The following SLC12A7 variants were observed in gnomAD, a reference collection of about 807,000 sequenced individuals.
The protein encoded by SLC12A7 is K-Cl cotransporter 4.
SLC12A7 carries 100 observed loss-of-function variants against 120.6 expected under a neutral mutation model. The ratio of observed to expected loss-of-function variants is 0.83; its 90% confidence interval spans 0.71 to 0.98. SLC12A7 has a LOEUF of 0.98. Ranked by LOEUF, SLC12A7 falls within the 50% of genes least tolerant of loss-of-function variation. The pLI is 0.00. For synonymous variants in SLC12A7, 760 were observed against 678.0 expected (o/e 1.12, Z -1.88); for missense variants, 1,373 against 1,548.1 (o/e 0.89, Z 1.90).
Position 1,085,472 on chromosome 5 carries a change from G to T in SLC12A7, c.677C>A (p.Thr226Lys). The T allele has an allele frequency of 6.2e-7, 1 of 1,604,126 alleles. No individual in the cohort carries two copies. The highest frequency in any genetic ancestry group is 8.5e-7 in the Non-Finnish European group (1 of 1,175,758). ...YILGTIEIFL[T>K]YISPGAAIFQ... ...GATGGCCGCACCCGGGGAGATGTAC[G>T]TCTGTGGGAACAAGGCCGGTCGGGA... The change falls in exon 7 of 24, where the codon ACG (threonine) becomes AAG (lysine). Residue 226 changes from threonine to lysine, a missense_variant and splice_region_variant. By Grantham distance (78) the Thr-to-Lys change is moderately conservative. Transcript: ENST00000264930.
chr5:1,119,015 A>G, the SLC12A7 span, among the ~76,000 whole-genome samples: 1 of 151,962 alleles, frequency 6.6e-6, no homozygotes, highest in Admixed American at 6.6e-5. Flanking sequence ...GGCACAGACG[A>G]CTGCTCCCGA....
intron 17 of SLC12A7, among the ~76,000 whole-genome samples, chr5:1,069,892 G>A (rs1201150716): frequency 6.6e-6 from 1 of 152,112 alleles, no homozygotes; most frequent in Non-Finnish European, 1.5e-5. Context: ...AGGGCTCAGA[G>A]CTGGCACCAG....
intron 1 of SLC12A7, among the ~76,000 whole-genome samples, chr5:1,108,041 CGT>C (rs1491393134): frequency 2.0e-5 from 3 of 151,962 alleles, no homozygotes; most frequent in Non-Finnish European, 4.4e-5. Context: ...CACACACACA[CGT>C]GAGCATGCCC....
rs572214362 is a variant in SLC12A7 at position 1,050,413 on chromosome 5, T to TAAC, written c.*1944_*1946dup. On this transcript the variant is annotated 3_prime_UTR_variant, in exon 24 of 24. Coordinates refer to ENST00000264930, the MANE Select transcript of SLC12A7 (RefSeq NM_006598.3). Reference sequence around the variant, plus strand: ...ATTTCATAGGATTTTATTTTTCTACTAACACAGACAGACAGGGAAACCTAC... The same window carrying TAAC: ...ATTTCATAGGATTTTATTTTTCTACTAACAACACAGACAGACAGGGAAACCTAC... 1.3e-5 allele frequency: 2 copies of TAAC among 156,304 alleles called. No homozygotes were observed. Among genetic ancestry groups the TAAC allele is most frequent in the African/African-American group, 4.8e-5 (2 of 41,602 alleles). 9.7% of individuals were successfully genotyped at this position (156,304 alleles called of 1,614,324 possible).
the SLC12A7 span, among the ~76,000 whole-genome samples, chr5:1,150,284 C>G: frequency 6.9e-6 from 1 of 145,518 alleles, no homozygotes; most frequent in Non-Finnish European, 1.5e-5. Flanking sequence ...TCCTCTGCCC[C>G]TCCCCCGACC....
intron 7 of SLC12A7, among the ~76,000 whole-genome samples, chr5:1,084,924 C>T (rs1252496103): frequency 2.6e-5 from 4 of 152,208 alleles, no homozygotes; most frequent in Admixed American, 2.6e-4. Context: ...ACCCATGACG[C>T]TCACTGCACC....
At chr5:1,122,743 C>T in the SLC12A7 span, among the ~76,000 whole-genome samples, 2 of 152,232 alleles carry the variant, frequency 1.3e-5, no homozygotes, top group Non-Finnish European at 2.9e-5. Flanking sequence ...GTAGCCCGTG[C>T]CAGCATCTCT....
chr5:1,062,570 G>A lies in SLC12A7; in HGVS notation c.2739+1274C>T, dbSNP rs539312895. On this transcript the variant is annotated intron_variant, in intron 20 of 23. Transcript: ENST00000264930. ...ACTGAGTTCCACGGGAACTGACACAGAAACACAGAAGGTTGTCGGTGAGGC... is the reference window on the plus strand; with the variant it reads ...ACTGAGTTCCACGGGAACTGACACAAAAACACAGAAGGTTGTCGGTGAGGC... 5.3e-5 allele frequency among the ~76,000 whole-genome samples: 8 copies of A among 152,286 alleles called. No individual in the cohort carries two copies. In the East Asian group the frequency reaches 1.4e-3, roughly 26 times the overall value.
chr5:1,114,066 T>C (rs901944045), upstream of SLC12A7, among the ~76,000 whole-genome samples: 2 of 152,232 alleles, frequency 1.3e-5, no homozygotes, highest in African/African-American at 2.4e-5. Flanking sequence ...GGAGGGTCTG[T>C]GGCCAGGGCC....
At chr5:1,107,824 A>T (rs1742646398) in intron 1 of SLC12A7, among the ~76,000 whole-genome samples, 1 of 152,212 alleles carries the variant, frequency 6.6e-6, no homozygotes, top group Admixed American at 6.5e-5. Context: ...TCCACGAGGC[A>T]AAGGTCTCCT....
rs750002523 is a variant in SLC12A7, at chr5:1,089,039, G to A, written c.432C>T (p.Ile144=). The A allele has an allele frequency of 3.7e-6, 6 of 1,612,964 alleles. No individual in the cohort carries two copies. The highest frequency in any genetic ancestry group is 5.1e-6 in the Non-Finnish European group (6 of 1,179,996). Residue 144 remains isoleucine, a synonymous_variant, in exon 4 of 24, where the codon ATC becomes ATT. Coordinates refer to ENST00000264930, the MANE Select transcript of SLC12A7 (RefSeq NM_006598.3). ...GVILFLRLTW[I]VGVAGVLESF... is the part of the protein sequence containing the mutation. ...ACTCCAGGACACCAGCCACCCCCAC[G>A]ATCCACGTCAGGCGCAGGAAGAGGA...
At chr5:1,056,470 C>T (rs937739415) in intron 22 of SLC12A7, 26 of 435,524 alleles carry the variant, frequency 6.0e-5, no homozygotes, top group Middle Eastern at 1.1e-3. Context: ...CCACCGTGCA[C>T]GGGGCAGGCA....
the SLC12A7 span, among the ~76,000 whole-genome samples, chr5:1,136,693 G>A: frequency 7.5e-6 from 1 of 133,028 alleles, no homozygotes; most frequent in Non-Finnish European, 1.6e-5. Context: ...GCACACACGT[G>A]CTCAGACACC....
At position 1,050,545 on chromosome 5, in the gene SLC12A7, G is replaced by C. The variant is rs1407029857; in HGVS notation, c.*1815C>G. 3.5e-6 allele frequency: 1 copy of C among 284,002 alleles called. No individual in the cohort carries two copies. Among genetic ancestry groups the C allele is most frequent in the South Asian group, 1.7e-4 (1 of 5,998 alleles). 17.6% of individuals were successfully genotyped at this position (284,002 alleles called of 1,614,324 possible). The stretch of plus-strand genomic sequence containing the variant: ...GTGCAGAGGCTGCAGCCCAGGGCGG[G>C]GGCAGAGCTGAGCCCTCAGGAGGTG... On this transcript the variant is annotated 3_prime_UTR_variant, in exon 24 of 24. Coordinates refer to ENST00000264930, the MANE Select transcript of SLC12A7 (RefSeq NM_006598.3).
intron 11 of SLC12A7, 119 bp downstream of exon 11, chr5:1,078,582 C>T: frequency 3.6e-6 from 3 of 822,112 alleles, no homozygotes; most frequent in Non-Finnish European, 6.2e-6. Flanking sequence ...ACCAGGACGC[C>T]TTCAGCTCTG....
chr5:1,086,144 C>T (rs918899449), intron 6 of SLC12A7, among the ~76,000 whole-genome samples: 6 of 152,138 alleles, frequency 3.9e-5, no homozygotes, highest in Admixed American at 3.3e-4. Context: ...CCAGGGGACT[C>T]GGGTTGGGAC....
At chr5:1,089,423 TG>T (rs773123148) in intron 3 of SLC12A7, among the ~76,000 whole-genome samples, 1 of 151,790 alleles carries the variant, frequency 6.6e-6, no homozygotes, top group Non-Finnish European at 1.5e-5. Context: ...GGAAAAGTTA[TG>T]GAAAAAACAA....
chr5:1,125,649 G>T, the SLC12A7 span, among the ~76,000 whole-genome samples: 6 of 152,120 alleles, frequency 3.9e-5, no homozygotes, highest in Non-Finnish European at 5.9e-5. Flanking sequence ...CCTGGGCCGG[G>T]CACAGTGGCT....
chr5:1,130,628 G>GCGTGTCCCCTCACCTCCTTAGC, the SLC12A7 span, among the ~76,000 whole-genome samples: 16 of 96,884 alleles, frequency 1.7e-4, no homozygotes, highest in Admixed American at 3.1e-4. Context: ...GGTGGGGGCA[G>GCGTGTCCCCTCACCTCCTTAGC]CAGGGAGGGA....
Sources: allele counts gnomAD v4.1 joint callset (sites outside exome capture counted in the v4.1 genomes callset), GRCh38; gene constraint gnomAD v4.1.1; transcripts MANE v1.5; gene names NCBI Gene and HGNC (gene_info 2026-07-23, HGNC 2026-07-21).